Variants in GOLGA5 observed in about 807,000 individuals in gnomAD.
GOLGA5 encodes the protein golgin A5, also known as golgin subfamily A member 5.
GOLGA5 carries 50 observed loss-of-function variants against 93.5 expected under a neutral mutation model. The observed-to-expected ratio is 0.53, with a 90% confidence interval of 0.43 to 0.68. The LOEUF is 0.68. Ranked by LOEUF, GOLGA5 falls within the 30% of genes least tolerant of loss-of-function variation. GOLGA5 has a pLI of 0.00. For synonymous variants in GOLGA5, 312 were observed against 304.5 expected (o/e 1.02, Z -0.26); for missense variants, 760 against 856.4 (o/e 0.89, Z 1.40).
At chr14:92,802,104 T>A (rs1884886034) in intron 2 of GOLGA5, among the ~76,000 whole-genome samples, 1 of 152,230 alleles carries the variant, frequency 6.6e-6, no homozygotes, top group Admixed American at 6.5e-5. Context: ...TGCTTCTATA[T>A]AGACAGTTTG....
At chr14:92,836,008 T>C (rs1885634343) in intron 11 of GOLGA5, among the ~76,000 whole-genome samples, 1 of 152,040 alleles carries the variant, frequency 6.6e-6, no homozygotes, top group Admixed American at 6.5e-5. Context: ...AAGCCTCTAC[T>C]TCATGTAAAA....
In GOLGA5 at chr14:92,800,526, A is replaced by AT. The variant is rs558742924; in HGVS notation, c.544+2546dup. 2.0e-4 allele frequency among the ~76,000 whole-genome samples: 30 copies of AT among 152,372 alleles called. 1 individual carries two copies. The South Asian group carries it at 5.6e-3, about 28-fold the overall frequency. ...ACCTGTTTGTGAAGGCCCTTGTGTC[A>AT]TACTGTTTATGCAATTAAACCCATT... On this transcript the variant is annotated intron_variant, in intron 2 of 12. Coordinates refer to ENST00000163416, the MANE Select transcript of GOLGA5 (RefSeq NM_005113.4).
intron 2 of GOLGA5, among the ~76,000 whole-genome samples, chr14:92,799,700 G>A (rs1007356677): frequency 1.3e-5 from 2 of 152,052 alleles, no homozygotes; most frequent in Admixed American, 1.3e-4. Flanking sequence ...TCCACCTCCT[G>A]GGTTCAAGCG....
intron 2 of GOLGA5, among the ~76,000 whole-genome samples, chr14:92,799,583 C>G (rs1249484609): frequency 6.6e-6 from 1 of 151,004 alleles, no homozygotes; most frequent in Non-Finnish European, 1.5e-5. Flanking sequence ...TGTGCCTGGC[C>G]TTTTTTAATG....
In GOLGA5 at chr14:92,818,311, T is replaced by C. The variant is rs141152690; in HGVS notation, c.1492-1397T>C. On this transcript the variant is annotated intron_variant, in intron 7 of 12. Coordinates refer to ENST00000163416, the MANE Select transcript of GOLGA5 (RefSeq NM_005113.4). ...CAGATACTGCACAGAGCACTTAACATATATCCTTACATTTATTCCTTACCA... is the reference window on the plus strand; with the variant it reads ...CAGATACTGCACAGAGCACTTAACACATATCCTTACATTTATTCCTTACCA... Among the ~76,000 whole-genome samples the C allele has an allele frequency of 2.6e-4, 39 of 152,352 alleles. 1 individual carries two copies. The East Asian group carries it at 6.9e-3, about 27-fold the overall frequency.
chr14:92,828,876 G>C (rs1057014011), intron 9 of GOLGA5, among the ~76,000 whole-genome samples: 1 of 152,116 alleles, frequency 6.6e-6, no homozygotes, highest in Non-Finnish European at 1.5e-5. Context: ...GCCATGTTGG[G>C]CAGGTTGGTC....
Position 92,798,085 on chromosome 14 carries a change from C to T in GOLGA5, c.544+104C>T. The T allele has an allele frequency of 5.1e-6, 4 of 782,430 alleles. No individual in the cohort carries two copies. The South Asian group carries it at 5.1e-5, about 10-fold the overall frequency. The allele number at this position is 782,430 out of a possible 1,614,324, so 48.5% of individuals were successfully genotyped here. ...TCTACTGTTATGGAATCTGTCTCCA[C>T]TGGTGTAAGGGCAGACTCTCTGCAA... On this transcript the variant is annotated intron_variant, in intron 2 of 12. Coordinates refer to ENST00000163416, the MANE Select transcript of GOLGA5 (RefSeq NM_005113.4).
At chr14:92,831,003 G>A (rs541273812) in intron 9 of GOLGA5, among the ~76,000 whole-genome samples, 1 of 152,148 alleles carries the variant, frequency 6.6e-6, no homozygotes, top group East Asian at 1.9e-4. Flanking sequence ...TTATCTCTGA[G>A]GTGTGCCTGT....
chr14:92,814,324 C>T (rs1051851708), intron 6 of GOLGA5, among the ~76,000 whole-genome samples: 27 of 152,160 alleles, frequency 1.8e-4, no homozygotes, highest in African/African-American at 6.5e-4. Context: ...TGATGCCATC[C>T]AATGAAGCCA....
intron 3 of GOLGA5, among the ~76,000 whole-genome samples, chr14:92,808,233 C>T (rs895946349): frequency 1.3e-5 from 2 of 151,548 alleles, no homozygotes; most frequent in Admixed American, 1.3e-4. Context: ...AGCTACAGAG[C>T]GAGACTCGTC....
At chr14:92,823,898 A>G (rs1188195288) in intron 8 of GOLGA5, among the ~76,000 whole-genome samples, 1 of 152,014 alleles carries the variant, frequency 6.6e-6, no homozygotes, top group African/African-American at 2.4e-5. Flanking sequence ...ATGTTCCAGT[A>G]TTTTTTGTAC....
At chr14:92,802,237 TTA>T (rs1345879995) in intron 2 of GOLGA5, among the ~76,000 whole-genome samples, 5 of 152,186 alleles carry the variant, frequency 3.3e-5, no homozygotes, top group South Asian at 4.1e-4. Context: ...CTTATATACT[TTA>T]TGTTAGATTT....
chr14:92,815,314 C>T (rs1885180242), intron 6 of GOLGA5, among the ~76,000 whole-genome samples: 1 of 152,180 alleles, frequency 6.6e-6, no homozygotes, highest in Non-Finnish European at 1.5e-5. Context: ...TCCTCTTACC[C>T]AGAAGTGGTT....
intron 8 of GOLGA5, among the ~76,000 whole-genome samples, chr14:92,821,490 A>G (rs1439921152): frequency 6.6e-6 from 1 of 152,166 alleles, no homozygotes; most frequent in African/African-American, 2.4e-5. Flanking sequence ...CTAATTTACT[A>G]AGTGACAACA....
At position 92,832,361 on chromosome 14, in the gene GOLGA5, A is replaced by G. The variant is rs573304013; in HGVS notation, c.1720-761A>G. ...AGAAAGAAAGGCAGGTGGAGCCTAG[A>G]TAAGAGAAGGGGATTGAGTTTCCAA... On this transcript the variant is annotated intron_variant, in intron 9 of 12. Coordinates refer to ENST00000163416, the MANE Select transcript of GOLGA5 (RefSeq NM_005113.4). 3.3e-5 allele frequency among the ~76,000 whole-genome samples: 5 copies of G among 152,330 alleles called. No individual in the cohort carries two copies. In the South Asian group the frequency reaches 1.0e-3, roughly 32 times the overall value.
At position 92,839,679 on chromosome 14, in the gene GOLGA5, G is replaced by A. The variant is rs780902428; in HGVS notation, c.*233G>A. The A allele has an allele frequency of 8.8e-6, 5 of 565,384 alleles. No individual in the cohort carries two copies. The highest frequency in any genetic ancestry group is 1.6e-5 in the Non-Finnish European group (5 of 318,382). 35.0% of individuals were successfully genotyped at this position (565,384 alleles called of 1,614,324 possible). ...ACAAGCTCAGCTCTGCTTTATCTGA[G>A]TTTAGTGGTCCTAATATATATGTAG... On this transcript the variant is annotated 3_prime_UTR_variant, in exon 13 of 13. Coordinates refer to ENST00000163416, the MANE Select transcript of GOLGA5 (RefSeq NM_005113.4).
At chr14:92,820,124 T>G (rs8007244) in intron 8 of GOLGA5, among the ~76,000 whole-genome samples, 122,669 of 152,028 alleles carry the variant, frequency 0.81, 50,028 homozygotes, top group African/African-American at 0.91. Flanking sequence ...CGGAGGACCT[T>G]CACCGGCACC....
intron 2 of GOLGA5, among the ~76,000 whole-genome samples, chr14:92,800,816 T>A (rs1307766312): frequency 2.0e-5 from 3 of 152,248 alleles, no homozygotes; most frequent in Non-Finnish European, 2.9e-5. Context: ...ATTTTTGTAC[T>A]TTTAAAGAAA....
Position 92,797,437 on chromosome 14 carries a change from C to T in GOLGA5, c.-1C>T. ...GCCAATAGGATTATCCTGCTGCCAT[C>T]ATGTCTTGGTTTGTTGATCTTGCTG... On this transcript the variant is annotated 5_prime_UTR_variant, in exon 2 of 13. Transcript: ENST00000163416. 3.1e-6 allele frequency: 5 copies of T among 1,599,820 alleles called. No individual in the cohort carries two copies. The highest frequency in any genetic ancestry group is 4.3e-6 in the Non-Finnish European group (5 of 1,173,730).
Sources: gnomAD v4.1 joint callset for allele counts (sites outside exome capture counted in the v4.1 genomes callset) on GRCh38, gnomAD v4.1.1 for gene constraint, MANE v1.5 for transcripts, NCBI Gene and HGNC (gene_info 2026-07-23, HGNC 2026-07-21) for gene names.